The following RCAN2 variants were observed in gnomAD, a reference collection of about 807,000 sequenced individuals.
The protein encoded by RCAN2 is calcipressin-2.
Under a neutral mutation model 23.6 loss-of-function variants are expected in RCAN2, and 9 were observed. The ratio of observed to expected loss-of-function variants is 0.38; its 90% confidence interval spans 0.23 to 0.67. RCAN2 has a LOEUF of 0.67. Ranked by LOEUF, RCAN2 falls within the 30% of genes least tolerant of loss-of-function variation. The pLI, the probability that RCAN2 is intolerant of heterozygous loss-of-function variation, is 0.51. For missense variants in RCAN2, 273 were observed against 302.3 expected (o/e 0.90, Z 0.72); for synonymous variants, 109 against 115.7 (o/e 0.94, Z 0.37).
chr6:46,412,139 G>A (rs1241366559), intron 2 of RCAN2, among the ~76,000 whole-genome samples: 1 of 152,168 alleles, frequency 6.6e-6, no homozygotes, highest in Non-Finnish European at 1.5e-5. Context: ...CAGGATTTAT[G>A]AGGTAGATCT....
intron 2 of RCAN2, among the ~76,000 whole-genome samples, chr6:46,433,224 C>T (rs1289773417): frequency 6.6e-6 from 1 of 152,072 alleles, no homozygotes; most frequent in Non-Finnish European, 1.5e-5. Context: ...CTCAGATCGG[C>T]CTATACTCCC....
chr6:46,285,756 G>A (rs1762355794), intron 2 of RCAN2, among the ~76,000 whole-genome samples: 1 of 152,018 alleles, frequency 6.6e-6, no homozygotes, highest in Admixed American at 6.5e-5. Context: ...TAATGTTACT[G>A]GAATCTTTTT....
intron 2 of RCAN2, among the ~76,000 whole-genome samples, chr6:46,315,864 G>A (rs767714573): frequency 5.3e-5 from 8 of 152,214 alleles, no homozygotes; most frequent in East Asian, 3.9e-4. Context: ...GCTGTCTCCT[G>A]TTCTACAGGG....
intron 4 of RCAN2, among the ~76,000 whole-genome samples, chr6:46,239,229 A>AT (rs1286837275): frequency 6.6e-6 from 1 of 152,252 alleles, no homozygotes; most frequent in African/African-American, 2.4e-5. Flanking sequence ...AATCATAGCT[A>AT]TTTGGTAGCT....
chr6:46,378,145 C>G (rs148707836), intron 2 of RCAN2, among the ~76,000 whole-genome samples: 189 of 152,248 alleles, frequency 1.2e-3, no homozygotes, highest in African/African-American at 4.4e-3. Context: ...GGTGCCAGTT[C>G]AGGGAGGCTG....
chr6:46,396,499 G>T (rs1440313896), intron 2 of RCAN2, among the ~76,000 whole-genome samples: 1 of 152,096 alleles, frequency 6.6e-6, no homozygotes, highest in African/African-American at 2.4e-5. Context: ...ACTGTGCTAG[G>T]GTTAAGCAGT....
chr6:46,244,198 G>T (rs1479633470), intron 4 of RCAN2, among the ~76,000 whole-genome samples: 2 of 152,186 alleles, frequency 1.3e-5, no homozygotes, highest in African/African-American at 4.8e-5. Context: ...TAACATTAAG[G>T]TAAAAGGCGT....
At chr6:46,408,536 A>C (rs1766469908) in intron 2 of RCAN2, among the ~76,000 whole-genome samples, 1 of 152,204 alleles carries the variant, frequency 6.6e-6, no homozygotes. Context: ...GTAATGGTGA[A>C]AGACAGATGC....
intron 2 of RCAN2, among the ~76,000 whole-genome samples, chr6:46,345,424 A>G (rs1003974267): frequency 8.5e-5 from 13 of 152,192 alleles, no homozygotes; most frequent in Admixed American, 2.0e-4. Context: ...CACGGTATCC[A>G]ACAACTGCAG....
intron 4 of RCAN2, among the ~76,000 whole-genome samples, chr6:46,233,820 T>G (rs1350917682): frequency 6.6e-6 from 1 of 151,470 alleles, no homozygotes; most frequent in African/African-American, 2.4e-5. Flanking sequence ...CTCTGCCTCC[T>G]GGGTTCAAAC....
At chr6:46,315,096 C>G (rs1763392828) in intron 2 of RCAN2, among the ~76,000 whole-genome samples, 2 of 152,218 alleles carry the variant, frequency 1.3e-5, no homozygotes, top group Admixed American at 6.5e-5. Flanking sequence ...ATTACTCTGT[C>G]TGAATGCTTA....
intron 2 of RCAN2, among the ~76,000 whole-genome samples, chr6:46,307,340 G>A (rs1561851741): frequency 1.3e-5 from 2 of 152,254 alleles, no homozygotes; most frequent in East Asian, 3.9e-4. Flanking sequence ...AGGGGTGTAT[G>A]TGCCTCAAAG....
At chr6:46,233,144 C>CATTCA (rs1554183330) in intron 4 of RCAN2, among the ~76,000 whole-genome samples, 2 of 152,064 alleles carry the variant, frequency 1.3e-5, no homozygotes, top group African/African-American at 4.8e-5. Context: ...CACCAGCTCC[C>CATTCA]GTTCATCTTT....
At chr6:46,413,592 G>T (rs576409165) in intron 2 of RCAN2, among the ~76,000 whole-genome samples, 1 of 152,212 alleles carries the variant, frequency 6.6e-6, no homozygotes, top group African/African-American at 2.4e-5. Flanking sequence ...AAGCCTGTAC[G>T]AGTATATGAT....
At chr6:46,259,429 A>T (rs1767037337) in intron 2 of RCAN2, among the ~76,000 whole-genome samples, 1 of 152,158 alleles carries the variant, frequency 6.6e-6, no homozygotes, top group South Asian at 2.1e-4. Flanking sequence ...TGTACTGTGC[A>T]GTCACAAAAT....
intron 2 of RCAN2, among the ~76,000 whole-genome samples, chr6:46,263,720 T>A (rs1767222528): frequency 1.9e-5 from 2 of 102,590 alleles, no homozygotes; most frequent in African/African-American, 3.7e-5. Flanking sequence ...TACATTAATA[T>A]GATGTTGTTT....
At chr6:46,392,159 G>A (rs1489257692) in intron 2 of RCAN2, among the ~76,000 whole-genome samples, 2 of 152,130 alleles carry the variant, frequency 1.3e-5, no homozygotes, top group African/African-American at 4.8e-5. Flanking sequence ...AATTCAGAGA[G>A]GAAACAGACC....
At chr6:46,240,306 AT>A (rs1191966607) in intron 4 of RCAN2, among the ~76,000 whole-genome samples, 2 of 151,320 alleles carry the variant, frequency 1.3e-5, no homozygotes, top group African/African-American at 4.9e-5. Flanking sequence ...ATATTTTCCC[AT>A]TTTTTGGTCA....
At chr6:46,468,710 A>G (rs1768463713) in intron 1 of RCAN2, 2 of 614,678 alleles carry the variant, frequency 3.3e-6, no homozygotes, top group Non-Finnish European at 4.1e-6. Context: ...AGACAAATGG[A>G]ATGTAATACC....
Sources: gnomAD v4.1 joint callset for allele counts (sites outside exome capture counted in the v4.1 genomes callset) on GRCh38, gnomAD v4.1.1 for gene constraint, MANE v1.5 for transcripts, NCBI Gene and HGNC (gene_info 2026-07-23, HGNC 2026-07-21) for gene names.